Variants in DNM3 observed in about 807,000 individuals in gnomAD.
DNM3 encodes dynamin-3.
In DNM3, 47 loss-of-function variants were observed where a neutral mutation model predicts 101.6. The ratio of observed to expected loss-of-function variants is 0.46; its 90% confidence interval spans 0.37 to 0.59. The LOEUF is 0.59. Among genes scored for constraint, DNM3 ranks in the 20% least tolerant of loss-of-function variants. The pLI, the probability that DNM3 is intolerant of heterozygous loss-of-function variation, is 0.00. For missense variants in DNM3, 849 were observed against 1,085.7 expected (o/e 0.78, Z 3.06); for synonymous variants, 385 against 387.9 (o/e 0.99, Z 0.09).
At chr1:172,250,546 G>T (rs2062128449) in intron 14 of DNM3, among the ~76,000 whole-genome samples, 1 of 152,094 alleles carries the variant, frequency 6.6e-6, no homozygotes, top group Non-Finnish European at 1.5e-5. Flanking sequence ...AAATTGGAAG[G>T]CAAGAGACTA....
chr1:172,383,123 GAA>G lies in DNM3; in HGVS notation c.2058+3945_2058+3946del, dbSNP rs536435916. 5.3e-3 allele frequency among the ~76,000 whole-genome samples: 812 copies of G among 152,238 alleles called. 4 individuals carry two copies. The highest frequency in any genetic ancestry group is 8.5e-3 in the Non-Finnish European group (578 of 67,992). ...GCCAGGAATTCAGCACACTGCTCAA[GAA>G]AAAGATCACGACTAGGACTCCCTAA... On this transcript the variant is annotated intron_variant, in intron 18 of 20. Transcript: ENST00000627582.
chr1:172,411,421 C>T lies in DNM3; in HGVS notation c.*3580C>T. 1 of 984,684 alleles carries T rather than the reference C, an allele frequency of 1.0e-6. No individual in the cohort carries two copies. Among genetic ancestry groups the T allele is most frequent in the Non-Finnish European group, 1.2e-6 (1 of 829,580 alleles). The allele number at this position is 984,684 out of a possible 1,614,324, so 61.0% of individuals were successfully genotyped here. On this transcript the variant is annotated 3_prime_UTR_variant, in exon 21 of 21. Coordinates refer to ENST00000627582, the MANE Select transcript of DNM3 (RefSeq NM_015569.5). ...AATATTTTTCGGTAAGAAGTAAAAC[C>T]TCTGGAGACCTATCTTTAAGATCTC...
At chr1:172,233,100 C>A in intron 14 of DNM3, among the ~76,000 whole-genome samples, 1 of 152,234 alleles carries the variant, frequency 6.6e-6, no homozygotes, top group East Asian at 1.9e-4. Context: ...AATCCAGAAC[C>A]TAGTTTTTTG....
intron 2 of DNM3, among the ~76,000 whole-genome samples, chr1:171,927,284 C>T (rs1234247208): frequency 3.3e-5 from 5 of 152,074 alleles, no homozygotes; most frequent in Non-Finnish European, 7.4e-5. Context: ...GAAGGTTTGT[C>T]GCATAAATAA....
chr1:172,299,046 C>T lies in DNM3; in HGVS notation c.1770-9682C>T, dbSNP rs1352855281. Among the ~76,000 whole-genome samples, 5 of 151,978 alleles carry T rather than the reference C, an allele frequency of 3.3e-5. No homozygotes were observed. The East Asian group carries it at 5.8e-4, about 18-fold the overall frequency. Reference sequence around the variant, plus strand: ...TGGTAGGACTGTCAGGGAAGTGATGCCTGATGAAGTGATGACTGAGTTGAA... The same window carrying T: ...TGGTAGGACTGTCAGGGAAGTGATGTCTGATGAAGTGATGACTGAGTTGAA... On this transcript the variant is annotated intron_variant, in intron 15 of 20. Transcript: ENST00000627582.
intron 20 of DNM3, among the ~76,000 whole-genome samples, chr1:172,405,190 T>C (rs2070784490): frequency 1.3e-5 from 2 of 152,096 alleles, no homozygotes; most frequent in South Asian, 2.1e-4. Context: ...CATTTCTTCA[T>C]TTGTCCATTA....
chr1:172,183,782 T>A (rs1192550316), intron 14 of DNM3, among the ~76,000 whole-genome samples: 1 of 142,540 alleles, frequency 7.0e-6, no homozygotes, highest in East Asian at 2.0e-4. Context: ...TTTTTTTTTT[T>A]TTTTTTTTTT....
At chr1:171,877,219 G>T (rs1466229357) in intron 1 of DNM3, among the ~76,000 whole-genome samples, 2 of 151,986 alleles carry the variant, frequency 1.3e-5, no homozygotes, top group Non-Finnish European at 2.9e-5. Context: ...TTTTCTTTAG[G>T]CATGTTCTTA....
intron 14 of DNM3, among the ~76,000 whole-genome samples, chr1:172,223,247 C>CT (rs2060976153): frequency 6.6e-6 from 1 of 150,752 alleles, no homozygotes; most frequent in African/African-American, 2.4e-5. Context: ...TCTCCAGTCT[C>CT]TGGTATCAGT....
chr1:171,921,622 C>A, intron 1 of DNM3, 126 bp from the exon 2 acceptor site: 1 of 734,602 alleles, frequency 1.4e-6, no homozygotes, highest in Non-Finnish European at 2.3e-6. Flanking sequence ...ATGGGCCTAT[C>A]ATTGTTTGGA....
At chr1:172,089,695 G>C (rs1271575814) in intron 12 of DNM3, among the ~76,000 whole-genome samples, 1 of 152,188 alleles carries the variant, frequency 6.6e-6, no homozygotes, top group East Asian at 1.9e-4. Flanking sequence ...TCTAATATTT[G>C]AGATTGGCTT....
chr1:172,397,207 G>A (rs772077147), intron 20 of DNM3: 2 of 152,434 alleles, frequency 1.3e-5, no homozygotes, highest in Admixed American at 1.3e-4. Flanking sequence ...CAGTAGTGTT[G>A]GAAACTATTT....
Position 172,403,798 on chromosome 1 carries a change from T to C in DNM3, c.2523-3974T>C, listed in dbSNP as rs113420034. Among the ~76,000 whole-genome samples, 303 of 152,274 alleles carry C rather than the reference T, an allele frequency of 2.0e-3. 1 individual carries two copies. The highest frequency in any genetic ancestry group is 7.0e-3 in the African/African-American group (289 of 41,566). ...GCTCCATTTCAATATAATGCCTTAC[T>C]TAACGAAGCTCATTACTAAACAAAG... On this transcript the variant is annotated intron_variant, in intron 20 of 20. Coordinates refer to ENST00000627582, the MANE Select transcript of DNM3 (RefSeq NM_015569.5).
chr1:172,246,282 G>A (rs2061950907), intron 14 of DNM3, among the ~76,000 whole-genome samples: 1 of 152,142 alleles, frequency 6.6e-6, no homozygotes, highest in Non-Finnish European at 1.5e-5. Flanking sequence ...AGGGTGAGAA[G>A]ATGAGTTTAA....
intron 4 of DNM3, among the ~76,000 whole-genome samples, chr1:172,017,342 A>G (rs2047515928): frequency 6.6e-6 from 1 of 152,078 alleles, no homozygotes; most frequent in Non-Finnish European, 1.5e-5. Context: ...ATTCAATATT[A>G]TACACTTCCT....
At chr1:172,327,493 G>T (rs538831594) in intron 17 of DNM3, among the ~76,000 whole-genome samples, 17 of 152,280 alleles carry the variant, frequency 1.1e-4, no homozygotes, top group Non-Finnish European at 2.2e-4. Context: ...TCCTCACAAT[G>T]TGAAAATGTC....
chr1:172,362,568 C>T (rs2067796913), intron 17 of DNM3, among the ~76,000 whole-genome samples: 3 of 151,862 alleles, frequency 2.0e-5, no homozygotes, highest in Admixed American at 1.3e-4. Context: ...AGTCTTTTGC[C>T]TTCTGGCTTC....
intron 2 of DNM3, among the ~76,000 whole-genome samples, chr1:171,974,098 A>G (rs1177264522): frequency 6.6e-6 from 1 of 152,174 alleles, no homozygotes; most frequent in Admixed American, 6.5e-5. Flanking sequence ...TAATTTACAT[A>G]TAAACTCAAA....
chr1:172,101,058 T>G (rs1334991351), intron 13 of DNM3, among the ~76,000 whole-genome samples: 1 of 152,198 alleles, frequency 6.6e-6, no homozygotes, highest in Non-Finnish European at 1.5e-5. Flanking sequence ...ACAAGGGATG[T>G]TCCTCACCAG....
Sources: gnomAD v4.1 joint callset for allele counts (sites outside exome capture counted in the v4.1 genomes callset) on GRCh38, gnomAD v4.1.1 for gene constraint, MANE v1.5 for transcripts, NCBI Gene and HGNC (gene_info 2026-07-23, HGNC 2026-07-21) for gene names.